The following DLG2 variants were observed in gnomAD, a reference collection of about 807,000 sequenced individuals.
The protein encoded by DLG2 is discs large MAGUK scaffold protein 2, also known as disks large homolog 2.
DLG2 carries 45 observed loss-of-function variants against 132.5 expected under a neutral mutation model. That is an observed-to-expected ratio of 0.34 (90% confidence interval 0.27 to 0.44). The LOEUF (loss-of-function observed/expected upper bound fraction) is 0.44. Ranked by LOEUF, DLG2 falls within the 20% of genes least tolerant of loss-of-function variation. DLG2 has a pLI of 1.00. For synonymous variants in DLG2, 424 were observed against 419.6 expected, an observed-to-expected ratio of 1.01 and a Z score of -0.13; for missense variants, 1,045 against 1,196.9, an observed-to-expected ratio of 0.87 and a Z score of 1.87.
intron 3 of DLG2, among the ~76,000 whole-genome samples, chr11:85,574,862 C>T (rs1477483746): frequency 6.6e-6 from 1 of 152,108 alleles, no homozygotes; most frequent in East Asian, 1.9e-4. Context: ...TTATAAATTA[C>T]CCAGTTTCAG....
At chr11:85,571,262 T>C (rs1384371590) in intron 3 of DLG2, among the ~76,000 whole-genome samples, 2 of 152,188 alleles carry the variant, frequency 1.3e-5, no homozygotes, top group Non-Finnish European at 2.9e-5. Context: ...CCCTAGGATT[T>C]GTTGTTTCAG....
chr11:84,694,042 A>AG (rs1238480876), intron 6 of DLG2, among the ~76,000 whole-genome samples: 1 of 151,666 alleles, frequency 6.6e-6, no homozygotes, highest in Non-Finnish European at 1.5e-5. Flanking sequence ...GCCTACTAAG[A>AG]GAACACAATC....
At chr11:84,069,238 T>A (rs1427209415) in intron 10 of DLG2, among the ~76,000 whole-genome samples, 1 of 152,136 alleles carries the variant, frequency 6.6e-6, no homozygotes, top group Non-Finnish European at 1.5e-5. Flanking sequence ...TTTTGAAGGG[T>A]CATTCTACTT....
intron 3 of DLG2, among the ~76,000 whole-genome samples, chr11:85,528,094 G>A (rs1015128186): frequency 6.6e-5 from 10 of 151,998 alleles, no homozygotes; most frequent in South Asian, 4.1e-4. Flanking sequence ...GACCTTTGTC[G>A]GATGGATAGA....
intron 3 of DLG2, among the ~76,000 whole-genome samples, chr11:85,554,512 C>G (rs2076829489): frequency 6.6e-6 from 1 of 151,964 alleles, no homozygotes; most frequent in South Asian, 2.1e-4. Flanking sequence ...GCTGTCCTCA[C>G]TCATTCCTAA....
intron 20 of DLG2, among the ~76,000 whole-genome samples, chr11:83,536,854 T>C (rs559105263): frequency 2.0e-4 from 30 of 152,308 alleles, no homozygotes; most frequent in African/African-American, 6.5e-4. Flanking sequence ...CCATAAAAAG[T>C]GATTTGCCAT....
chr11:84,412,627 A>C (rs2098912801), intron 7 of DLG2, among the ~76,000 whole-genome samples: 1 of 152,202 alleles, frequency 6.6e-6, no homozygotes, highest in Non-Finnish European at 1.5e-5. Context: ...ACAGTATTGT[A>C]AACTGCCACA....
intron 6 of DLG2, among the ~76,000 whole-genome samples, chr11:84,710,057 T>C (rs1247728633): frequency 2.0e-5 from 3 of 151,940 alleles, no homozygotes; most frequent in Non-Finnish European, 2.9e-5. Context: ...GTTGTACTTA[T>C]GAAGAGAGAG....
chr11:84,247,960 T>C (rs1417850963), intron 8 of DLG2, among the ~76,000 whole-genome samples: 3 of 152,224 alleles, frequency 2.0e-5, no homozygotes, highest in Non-Finnish European at 4.4e-5. Flanking sequence ...GGAAATGTTC[T>C]TACGCAACAT....
At chr11:83,517,341 G>A (rs528406122) in intron 21 of DLG2, among the ~76,000 whole-genome samples, 17 of 152,262 alleles carry the variant, frequency 1.1e-4, no homozygotes, top group Non-Finnish European at 2.4e-4. Context: ...CATTCGTCAC[G>A]TAGTTCTCAT....
chr11:83,628,035 T>C (rs372034464), intron 19 of DLG2, among the ~76,000 whole-genome samples: 53 of 152,334 alleles, frequency 3.5e-4, no homozygotes, highest in African/African-American at 1.2e-3. Context: ...TCTGTTCATA[T>C]CCTTCGCCCA....
At chr11:84,949,293 C>A (rs1043666958) in intron 6 of DLG2, among the ~76,000 whole-genome samples, 1 of 152,066 alleles carries the variant, frequency 6.6e-6, no homozygotes, top group African/African-American at 2.4e-5. Context: ...TAGAATATCA[C>A]AAGGCAAGTG....
chr11:84,253,387 A>G (rs1350858042), intron 7 of DLG2, among the ~76,000 whole-genome samples: 2 of 152,210 alleles, frequency 1.3e-5, no homozygotes, highest in Non-Finnish European at 2.9e-5. Flanking sequence ...CTTTCCAAAA[A>G]GGTTGAAGAT....
intron 19 of DLG2, among the ~76,000 whole-genome samples, chr11:83,623,359 G>T (rs1381550590): frequency 6.6e-6 from 1 of 152,150 alleles, no homozygotes; most frequent in Non-Finnish European, 1.5e-5. Flanking sequence ...ACATAATTAG[G>T]TAAAATATTA....
intron 7 of DLG2, among the ~76,000 whole-genome samples, chr11:84,366,413 CAA>C (rs1488457802): frequency 6.6e-6 from 1 of 151,492 alleles, no homozygotes; most frequent in Non-Finnish European, 1.5e-5. Context: ...AACTAACGAG[CAA>C]AATCACCAGC....
intron 7 of DLG2, among the ~76,000 whole-genome samples, chr11:84,287,035 G>A (rs1162573460): frequency 1.3e-5 from 2 of 152,150 alleles, no homozygotes; most frequent in African/African-American, 4.8e-5. Flanking sequence ...GTTTGATAAT[G>A]ATGTTTATGT....
At chr11:84,563,152 G>T (rs913135185) in intron 6 of DLG2, among the ~76,000 whole-genome samples, 3 of 152,148 alleles carry the variant, frequency 2.0e-5, no homozygotes, top group African/African-American at 7.2e-5. Flanking sequence ...CATATAATAG[G>T]CTATAAATAC....
At chr11:85,520,516 C>CACAT (rs983129745) in intron 3 of DLG2, among the ~76,000 whole-genome samples, 1 of 734 alleles carries the variant, frequency 1.4e-3, no homozygotes, top group Non-Finnish European at 9.3e-3. Context: ...TATATGGAAC[C>CACAT]ACACACACAC....
chr11:83,724,474 TGTGAGAGAGAGA>T (rs1350668814), intron 18 of DLG2, among the ~76,000 whole-genome samples: 55 of 103,516 alleles, frequency 5.3e-4, no homozygotes, highest in Admixed American at 2.1e-3. Context: ...TGTGTGTGTG[TGTGAGAGAGAGA>T]GAGAGAGAGA....
Sources: allele counts gnomAD v4.1 joint callset (sites outside exome capture counted in the v4.1 genomes callset), GRCh38; gene constraint gnomAD v4.1.1; transcripts MANE v1.5; gene names NCBI Gene and HGNC (gene_info 2026-07-23, HGNC 2026-07-21).